The following TENM3 variants were observed in gnomAD, a reference collection of about 807,000 sequenced individuals.
TENM3 encodes the protein teneurin-3.
Under a neutral mutation model 255.1 loss-of-function variants are expected in TENM3, and 63 were observed. That is an observed-to-expected ratio of 0.25 (90% CI 0.20 to 0.30). The LOEUF (loss-of-function observed/expected upper bound fraction) is 0.30, where lower values mean the gene tolerates loss of function less well. Ranked by LOEUF, TENM3 falls within the 10% of genes least tolerant of loss-of-function variation. TENM3 has a pLI of 1.00. For missense variants in TENM3, 2,929 were observed against 3,461.1 expected, an observed-to-expected ratio of 0.85 and a Z score of 3.86; for synonymous variants, 1,306 against 1,322.3, an observed-to-expected ratio of 0.99 and a Z score of 0.27.
chr4:182,639,388 A>G (rs1752107005), intron 5 of TENM3, among the ~76,000 whole-genome samples: 2 of 152,236 alleles, frequency 1.3e-5, no homozygotes, highest in South Asian at 4.1e-4. Context: ...AAAATTGAAT[A>G]ATGTGCCTGG....
intron 2 of TENM3, among the ~76,000 whole-genome samples, chr4:182,336,349 CA>C (rs34731872): frequency 0.052 from 7,013 of 136,048 alleles, 386 homozygotes; most frequent in African/African-American, 0.15. Context: ...AGGAAGAAGC[CA>C]AAAAAAAAAA....
the TENM3 span, among the ~76,000 whole-genome samples, chr4:181,970,312 C>T: frequency 6.6e-6 from 1 of 152,156 alleles, no homozygotes; most frequent in African/African-American, 2.4e-5. Context: ...TCAGGATCTA[C>T]AGCAAATTAG....
At chr4:182,285,302 A>G (rs1051741794) in intron 1 of TENM3, among the ~76,000 whole-genome samples, 1 of 152,100 alleles carries the variant, frequency 6.6e-6, no homozygotes, top group South Asian at 2.1e-4. Flanking sequence ...AGAATATGGT[A>G]TAAGGAATTA....
intron 3 of TENM3, among the ~76,000 whole-genome samples, chr4:182,551,219 TAA>T (rs34487025): frequency 1.4e-3 from 157 of 112,204 alleles, no homozygotes; most frequent in Middle Eastern, 9.6e-3. Flanking sequence ...AGACTCCATC[TAA>T]AAAAAAAAAA....
In TENM3 at chr4:182,754,817, A is replaced by G. The variant is rs1339051401; in HGVS notation, c.4450A>G (p.Thr1484Ala). The G allele has an allele frequency of 9.3e-6, 15 of 1,613,926 alleles. No individual in the cohort carries two copies. Among genetic ancestry groups the G allele is most frequent in the Non-Finnish European group, 1.0e-5 (12 of 1,179,884 alleles). Residue 1484 changes from threonine to alanine, a missense_variant, in exon 22 of 28, where the codon ACA becomes GCA. This residue lies in a region of TENM3 where 1,608 missense variants were observed against 1,884.4 expected (regional missense o/e 0.85). Coordinates refer to ENST00000511685, the MANE Select transcript of TENM3 (RefSeq NM_001080477.4). This position sits in a 1 kb window ranked among gnomAD's most constrained non-coding sequence, Gnocchi z 5.1. ...CTCCCTGGCTGCTTCTCCAGATGGT[A>G]CACTGTATATTGCAGATCTAGGGAA... The part of the protein sequence containing the change: ...PSSLAASPDG[T>A]LYIADLGNIR...
intron 1 of TENM3, among the ~76,000 whole-genome samples, chr4:182,156,275 T>G (rs932899274): frequency 4.6e-5 from 7 of 152,182 alleles, no homozygotes; most frequent in African/African-American, 1.7e-4. Context: ...CCAGAACAAG[T>G]GCATTTTTAT....
intron 1 of TENM3, among the ~76,000 whole-genome samples, chr4:182,295,020 A>T (rs1319556434): frequency 1.3e-5 from 2 of 151,978 alleles, no homozygotes; most frequent in Non-Finnish European, 2.9e-5. Flanking sequence ...CAGGGGCTAC[A>T]GTTTGACATT....
At chr4:181,663,296 G>A in the TENM3 span, among the ~76,000 whole-genome samples, 2 of 152,046 alleles carry the variant, frequency 1.3e-5, no homozygotes, top group East Asian at 3.9e-4. Context: ...TTCAGTTGGT[G>A]GAAATGGAGG....
chr4:182,304,464 G>A (rs547317117), intron 1 of TENM3, among the ~76,000 whole-genome samples: 10 of 152,184 alleles, frequency 6.6e-5, no homozygotes, highest in Non-Finnish European at 8.8e-5. Context: ...CACCCGCCTC[G>A]GCCTCCCTAA....
chr4:181,934,491 TTCTAACAAGCCA>T, the TENM3 span, among the ~76,000 whole-genome samples: 2 of 152,180 alleles, frequency 1.3e-5, no homozygotes, highest in Non-Finnish European at 2.9e-5. Flanking sequence ...TCGGTAGCAG[TTCTAACAAGCCA>T]TAATGTTTAT....
intron 3 of TENM3, among the ~76,000 whole-genome samples, chr4:182,590,554 A>G (rs200129787): frequency 4.0e-5 from 6 of 150,688 alleles, no homozygotes; most frequent in East Asian, 2.0e-4. Context: ...AAAAAAAAAA[A>G]AAAAAAAGAA....
chr4:181,932,552 T>A, the TENM3 span, among the ~76,000 whole-genome samples: 1 of 152,212 alleles, frequency 6.6e-6, no homozygotes, highest in African/African-American at 2.4e-5. Context: ...AGGAACACTT[T>A]AACACCGTTG....
chr4:182,608,667 T>C (rs1416715292), intron 4 of TENM3, among the ~76,000 whole-genome samples: 1 of 152,126 alleles, frequency 6.6e-6, no homozygotes, highest in Admixed American at 6.5e-5. Flanking sequence ...TCTGGCGTCC[T>C]AGCGCTTCTG....
the TENM3 span, among the ~76,000 whole-genome samples, chr4:181,496,559 A>AG: frequency 4.0e-4 from 61 of 152,224 alleles, no homozygotes; most frequent in African/African-American, 1.5e-3. Context: ...TAAAATATTG[A>AG]GATGTAACTT....
chr4:181,583,545 T>C, the TENM3 span, among the ~76,000 whole-genome samples: 19 of 152,322 alleles, frequency 1.2e-4, no homozygotes, highest in South Asian at 3.7e-3. Context: ...AATAACACTT[T>C]AGGTTAAAAA....
At chr4:181,800,558 G>A in the TENM3 span, among the ~76,000 whole-genome samples, 20 of 152,112 alleles carry the variant, frequency 1.3e-4, no homozygotes, top group Admixed American at 5.9e-4. Context: ...GCTTGAACCC[G>A]GGAGGTGGAG....
Position 182,316,738 on chromosome 4 carries a change from C to A in TENM3, c.-75-7208C>A, listed in dbSNP as rs2675537. 5.6e-3 allele frequency among the ~76,000 whole-genome samples: 859 copies of A among 152,214 alleles called. 4 individuals are homozygous for A. Among genetic ancestry groups the A allele is most frequent in the African/African-American group, 0.02 (816 of 41,534 alleles). On this transcript the variant is annotated intron_variant, in intron 1 of 27. Transcript: ENST00000511685. ...TCGATCAGTACTCTGTGGAACACCC[C>A]AGAGGGACCCTTGGCAGATCCTCAG... is the stretch of plus-strand genomic sequence containing the variant.
intron 1 of TENM3, among the ~76,000 whole-genome samples, chr4:182,225,273 A>G (rs971329061): frequency 7.2e-5 from 11 of 152,126 alleles, no homozygotes; most frequent in African/African-American, 2.4e-4. Flanking sequence ...GTTAAGTTTC[A>G]CAGTCATCCC....
the TENM3 span, among the ~76,000 whole-genome samples, chr4:181,793,612 CT>C: frequency 2.6e-5 from 4 of 152,188 alleles, no homozygotes; most frequent in East Asian, 7.7e-4. Context: ...AATATTATCA[CT>C]TGGTATAGAG....
Sources: allele counts gnomAD v4.1 joint callset (sites outside exome capture counted in the v4.1 genomes callset), GRCh38; gene constraint gnomAD v4.1.1; regional missense constraint gnomAD v4.1.1; non-coding constraint Gnocchi (gnomAD v3.1); transcripts MANE v1.5; gene names NCBI Gene and HGNC (gene_info 2026-07-23, HGNC 2026-07-21).